OR4Q3: variants seen among roughly 807,000 people sequenced by gnomAD.
OR4Q3 encodes the protein olfactory receptor 4Q3.
Under a neutral mutation model 18.8 loss-of-function variants are expected in OR4Q3, and 17 were observed. The observed-to-expected ratio is 0.91, with a 90% CI of 0.62 to 1.36. The LOEUF is 1.36. Ranked by LOEUF, OR4Q3 falls within the 40% of genes most tolerant of loss-of-function variation. The pLI, the probability that OR4Q3 is intolerant of heterozygous loss-of-function variation, is 0.00. For synonymous variants in OR4Q3, 158 were observed against 145.8 expected, an observed-to-expected ratio of 1.08 and a Z score of -0.60; for missense variants, 378 against 373.4, an observed-to-expected ratio of 1.01 and a Z score of -0.10.
At chr14:19,746,590 C>CTCAT in intron 1 of OR4Q3, among the ~76,000 whole-genome samples, 1 of 152,144 alleles carries the variant, frequency 6.6e-6, no homozygotes, top group African/African-American at 2.4e-5. Context: ...CATTATCCTA[C>CTCAT]TCATCCCGAG....
At position 19,747,386 on chromosome 14, in the gene OR4Q3, C is replaced by T; in HGVS notation, c.3-20C>T. 27 of 1,311,370 alleles carry T rather than the reference C, an allele frequency of 2.1e-5. No individual in the cohort carries two copies. The highest frequency in any genetic ancestry group is 2.9e-5 in the African/African-American group (2 of 67,924). 81.2% of individuals were successfully genotyped at this position (1,311,370 alleles called of 1,614,324 possible). ...ATATCTACCTTAAATCTCCCTTGTT[C>T]TGATTTAATTCTTCTTTAGGTCACT... On this transcript the variant is annotated intron_variant, in intron 1 of 1. Coordinates refer to ENST00000642117, the Ensembl canonical transcript of OR4Q3.
Position 19,748,058 on chromosome 14 carries a change from T to C in OR4Q3, c.655T>C (p.Cys219Arg). The C allele has an allele frequency of 4.5e-4, 722 of 1,613,836 alleles. 5 individuals are homozygous for C. The South Asian group carries it at 7.6e-3, about 17-fold the overall frequency. ...CAACAGTGGTCTGCTGTCTCTTGTC[T>C]GCTTCTTGGTCTTACTATTCTCTTA... is the stretch of plus-strand genomic sequence containing the variant. The change falls in exon 2 of 2, where the codon TGC (cysteine) becomes CGC (arginine). Residue 219 changes from cysteine to arginine, a missense_variant. Transcript: ENST00000642117.
At chr14:19,748,081 T>G in exon 2 of OR4Q3, 1 of 1,614,094 alleles carries the variant, frequency 6.2e-7, no homozygotes, top group Non-Finnish European at 8.5e-7. Flanking sequence ...TACTATTCTC[T>G]TATGCTATCA....
downstream of OR4Q3, among the ~76,000 whole-genome samples, chr14:19,749,905 TCTTTTTTC>T: frequency 7.6e-4 from 7 of 9,218 alleles, no homozygotes; most frequent in African/African-American, 1.2e-3. Context: ...TTTCTTTCTT[TCTTTTTTC>T]TTTCTTTCTT....
downstream of OR4Q3, among the ~76,000 whole-genome samples, chr14:19,749,788 CTT>C: frequency 1.0e-5 from 1 of 95,250 alleles, no homozygotes; most frequent in East Asian, 3.3e-4. Context: ...CTTTCTCTTT[CTT>C]TCTTTCTCTC....
chr14:19,747,994 C>A lies in OR4Q3; in HGVS notation c.591C>A (p.Ala197=). 3 of 1,613,954 alleles carry A rather than the reference C, an allele frequency of 1.9e-6. No homozygotes were observed. In the African/African-American group the frequency reaches 4.0e-5, roughly 22 times the overall value. ...ATGTCCCACAAGTCATCAAGCTGGC[C>A]TGCATGGACACCTATGTGGTAGAGG... Residue 197 remains alanine, a synonymous_variant, in exon 2 of 2, where the codon GCC becomes GCA. Transcript: ENST00000642117.
chr14:19,748,280 C>G, exon 2 of OR4Q3: 1 of 1,422,064 alleles, frequency 7.0e-7, no homozygotes. Context: ...TATGTTGAAC[C>G]CCCTCATCTA....
exon 2 of OR4Q3, chr14:19,748,421 T>G: frequency 2.2e-6 from 3 of 1,366,124 alleles, no homozygotes; most frequent in Non-Finnish European, 3.0e-6. Flanking sequence ...TGGAAGACTC[T>G]TAACTCATCT....
chr14:19,748,407 T>C, exon 2 of OR4Q3: 48 of 1,463,032 alleles, frequency 3.3e-5, no homozygotes, highest in Non-Finnish European at 4.3e-5. Flanking sequence ...AACACACTCT[T>C]TCTTGGAAGA....
downstream of OR4Q3, among the ~76,000 whole-genome samples, chr14:19,749,630 A>AAAAAAAAAAAAAAAAAAAAAAAT: frequency 6.7e-6 from 1 of 149,208 alleles, no homozygotes; most frequent in African/African-American, 2.5e-5. Context: ...AAAAAAAAAA[A>AAAAAAAAAAAAAAAAAAAAAAAT]AAAAGAAAGC....
chr14:19,751,360 C>T, downstream of OR4Q3, among the ~76,000 whole-genome samples: 16 of 152,144 alleles, frequency 1.1e-4, no homozygotes, highest in South Asian at 2.1e-4. Context: ...TTTGTCTCTG[C>T]CAGATTTTGG....
chr14:19,747,656 G>A, exon 2 of OR4Q3: 2 of 1,613,910 alleles, frequency 1.2e-6, no homozygotes, highest in East Asian at 2.2e-5. Context: ...CCTGAGCTGT[G>A]TTACTGTGCC....
exon 2 of OR4Q3, chr14:19,747,508 C>T: frequency 6.2e-7 from 1 of 1,613,666 alleles, no homozygotes; most frequent in Non-Finnish European, 8.5e-7. Context: ...AGCTATTTCT[C>T]TTCTTACTAT....
At chr14:19,745,886 T>A in intron 1 of OR4Q3, among the ~76,000 whole-genome samples, 19,199 of 149,386 alleles carry the variant, frequency 0.13, 571 homozygotes, top group South Asian at 0.23. Context: ...AGTTATGAGA[T>A]TATAGATTTA....
intron 1 of OR4Q3, among the ~76,000 whole-genome samples, chr14:19,745,876 A>C: frequency 6.6e-6 from 1 of 152,136 alleles, no homozygotes; most frequent in Non-Finnish European, 1.5e-5. Flanking sequence ...TCCTTCTATC[A>C]GTTATGAGAT....
chr14:19,749,596 T>C, downstream of OR4Q3: 1 of 10,272 alleles, frequency 9.7e-5, no homozygotes, highest in Non-Finnish European at 1.5e-4. Context: ...CAAAACTCGG[T>C]CTCAAAGCAA....
chr14:19,747,009 CAG>C, intron 1 of OR4Q3, among the ~76,000 whole-genome samples: 1 of 152,172 alleles, frequency 6.6e-6, no homozygotes, highest in African/African-American at 2.4e-5. Context: ...GAATAAAATT[CAG>C]AGAGGTTTAT....
intron 1 of OR4Q3, among the ~76,000 whole-genome samples, chr14:19,744,455 AT>A (rs1176808748): frequency 6.6e-6 from 1 of 152,152 alleles, no homozygotes; most frequent in African/African-American, 2.4e-5. Context: ...TTTTCTTCAT[AT>A]TTTCCTCATA....
At chr14:19,749,632 A>AAAAAAAAAAAAAAAAAAC, downstream of OR4Q3, among the ~76,000 whole-genome samples, 2 of 146,238 alleles carry the variant, frequency 1.4e-5, no homozygotes, top group Admixed American at 6.8e-5. Context: ...AAAAAAAAAA[A>AAAAAAAAAAAAAAAAAAC]AAGAAAGCAA....
Sources: gnomAD v4.1 joint callset for allele counts (sites outside exome capture counted in the v4.1 genomes callset) on GRCh38, gnomAD v4.1.1 for gene constraint, MANE v1.5 for transcripts, NCBI Gene and HGNC (gene_info 2026-07-23, HGNC 2026-07-21) for gene names.